AP2A1: variants seen among roughly 807,000 people sequenced by gnomAD.
AP2A1 encodes AP-2 complex subunit alpha-1.
In AP2A1, 21 loss-of-function variants were observed where a neutral mutation model predicts 107.3. The observed-to-expected ratio is 0.20, with a 90% confidence interval of 0.14 to 0.28. AP2A1 has a LOEUF of 0.28. Ranked by LOEUF, AP2A1 falls within the 10% of genes least tolerant of loss-of-function variation. The pLI is 1.00. For missense variants in AP2A1, 873 were observed against 1,307.7 expected (o/e 0.67, Z 5.13); for synonymous variants, 602 against 564.8 (o/e 1.07, Z -0.93).
intron 4 of AP2A1, among the ~76,000 whole-genome samples, chr19:49,790,928 G>A (rs2073133725): frequency 6.6e-6 from 1 of 152,238 alleles, no homozygotes; most frequent in South Asian, 2.1e-4. Context: ...TTAACATCAC[G>A]CTGATTCTCT....
In AP2A1 at chr19:49,777,076, G is replaced by GAA. The variant is rs563994455; in HGVS notation, c.68-4670_68-4669dup. On this transcript the variant is annotated intron_variant, in intron 1 of 22. Coordinates refer to ENST00000354293, the MANE Select transcript of AP2A1 (RefSeq NM_130787.3). The stretch of plus-strand genomic sequence containing the variant: ...AAACCCTGTCTCTACTAAAAATGCG[G>GAA]AAAAAAAAAAAAGCCAGGTGTGGTG... Among the ~76,000 whole-genome samples the GAA allele has an allele frequency of 8.8e-4, 122 of 139,002 alleles. 2 individuals are homozygous for GAA. The highest frequency in any genetic ancestry group is 2.6e-3 in the African/African-American group (100 of 37,920). The allele number at this position is 139,002 out of a possible 152,430, so 91.2% of individuals were successfully genotyped here.
intron 1 of AP2A1, among the ~76,000 whole-genome samples, chr19:49,776,093 T>C (rs990845810): frequency 1.3e-5 from 2 of 152,128 alleles, no homozygotes; most frequent in Non-Finnish European, 2.9e-5. Context: ...CAACAGCCAC[T>C]GGACGGAGCA....
At position 49,798,808 on chromosome 19, in the gene AP2A1, C is replaced by T. The variant is rs777437665; in HGVS notation, c.821C>T (p.Ala274Val). The T allele has an allele frequency of 6.2e-6, 10 of 1,603,962 alleles. No homozygotes were observed. Among genetic ancestry groups the T allele is most frequent in the Non-Finnish European group, 6.8e-6 (8 of 1,175,468 alleles). Residue 274 changes from alanine to valine, a missense_variant, in exon 8 of 23, where the codon GCG becomes GTG. By Grantham distance (64) the Ala-to-Val change is moderately conservative (BLOSUM62 0). Coordinates refer to ENST00000354293, the MANE Select transcript of AP2A1 (RefSeq NM_130787.3). Reference protein sequence around the residue: ...LLQCYPPPEDAAVKGRLVECL... With the variant: ...LLQCYPPPEDVAVKGRLVECL... ...GTCCCCTTCGTTTCCCCAGAGGATG[C>T]GGCTGTGAAGGGGCGGCTGGTGGAA...
chr19:49,777,771 G>GA (rs1326825131), intron 1 of AP2A1, among the ~76,000 whole-genome samples: 1 of 151,608 alleles, frequency 6.6e-6, no homozygotes, highest in East Asian at 1.9e-4. Context: ...ACAAAAAATA[G>GA]AAAAAAAATT....
intron 4 of AP2A1, among the ~76,000 whole-genome samples, chr19:49,786,671 T>C (rs1182424563): frequency 1.3e-5 from 2 of 152,156 alleles, no homozygotes; most frequent in African/African-American, 4.8e-5. Flanking sequence ...CTAAGAACTT[T>C]GATGGAGGAG....
At position 49,801,608 on chromosome 19, in the gene AP2A1, G is replaced by C. The variant is rs1009076797; in HGVS notation, c.1772G>C (p.Ser591Thr). The C allele has an allele frequency of 3.7e-6, 6 of 1,612,080 alleles. No homozygotes were observed. In the African/African-American group the frequency reaches 5.4e-5, roughly 14 times the overall value. ...VEYLTLSSVASTDVLATVLEE... is the reference protein window; with the variant it reads ...VEYLTLSSVATTDVLATVLEE... ...TACCTCACCCTCAGCTCAGTGGCCA[G>C]CACCGACGTCCTGGTCAGAGCCCTG... The change falls in exon 13 of 23, where the codon AGC (serine) becomes ACC (threonine). Residue 591 changes from serine to threonine, a missense_variant. Physicochemically the swap from Ser to Thr is moderately conservative, Grantham distance 58. Coordinates refer to ENST00000354293, the MANE Select transcript of AP2A1 (RefSeq NM_130787.3).
intron 4 of AP2A1, among the ~76,000 whole-genome samples, chr19:49,787,032 G>T (rs1218867523): frequency 5.3e-5 from 8 of 152,058 alleles, no homozygotes; most frequent in African/African-American, 1.9e-4. Flanking sequence ...TTGGAGACAG[G>T]GTCTTGCCCT....
intron 1 of AP2A1, among the ~76,000 whole-genome samples, chr19:49,777,240 A>G (rs1361172320): frequency 6.6e-6 from 1 of 152,034 alleles, no homozygotes; most frequent in Non-Finnish European, 1.5e-5. Context: ...GTCTCAAGAA[A>G]AAAAGTAAAA....
chr19:49,790,895 G>A (rs2073133300), intron 4 of AP2A1, among the ~76,000 whole-genome samples: 1 of 152,236 alleles, frequency 6.6e-6, no homozygotes, highest in Admixed American at 6.5e-5. Context: ...AGGGGTCCGG[G>A]GGCAGCTGTT....
At position 49,799,613 on chromosome 19, in the gene AP2A1, T is replaced by C; in HGVS notation, c.1135-16T>C. The C allele has an allele frequency of 6.2e-7, 1 of 1,606,852 alleles. No homozygotes were observed. The highest frequency in any genetic ancestry group is 1.1e-5 in the South Asian group (1 of 90,978). On this transcript the variant is annotated splice_polypyrimidine_tract_variant and intron_variant, in intron 9 of 22. Coordinates refer to ENST00000354293, the MANE Select transcript of AP2A1 (RefSeq NM_130787.3). ...GGGAGTCTAAAACACACCTGGGCTC[T>C]GCTCTCCGCCCTCAGACGGAGCGGG...
intron 1 of AP2A1, among the ~76,000 whole-genome samples, chr19:49,775,614 G>A (rs1430342902): frequency 6.6e-6 from 1 of 152,080 alleles, no homozygotes; most frequent in Non-Finnish European, 1.5e-5. Context: ...TGTTACCCAG[G>A]CTGGTCTCAG....
In AP2A1 at chr19:49,767,066, C is replaced by T. The variant is rs1600209250; in HGVS notation, c.-68C>T. 6.6e-7 allele frequency: 1 copy of T among 1,524,588 alleles called. No individual in the cohort carries two copies. 94.4% of individuals were successfully genotyped at this position (1,524,588 alleles called of 1,614,324 possible). Reference sequence around the variant, plus strand: ...CTGCCTGGGGTCCTTTCCGCCCGGTCCCCGCTTGCCAGCCCCCGCTGCTCT... The same window carrying T: ...CTGCCTGGGGTCCTTTCCGCCCGGTTCCCGCTTGCCAGCCCCCGCTGCTCT... On this transcript the variant is annotated 5_prime_UTR_variant, in exon 1 of 23. Transcript: ENST00000354293.
chr19:49,806,689 G>A lies in AP2A1; in HGVS notation c.2799G>A (p.Arg933=). The A allele has an allele frequency of 6.2e-7, 1 of 1,612,874 alleles. No individual in the cohort carries two copies. The highest frequency in any genetic ancestry group is 1.7e-5 in the Admixed American group (1 of 59,970). The change falls in exon 23 of 23, where the codon CGG becomes CGA. Residue 933 remains arginine (R), a synonymous_variant. Coordinates refer to ENST00000354293, the MANE Select transcript of AP2A1 (RefSeq NM_130787.3). The part of the protein sequence containing the change: ...LEPNAQAQMY[R]LTLRTSKEPV... ...CCAATGCCCCCACCCAGATGTACCG[G>A]CTGACCCTGCGCACCAGCAAGGAGC...
At chr19:49,802,490 C>T (rs1157694496) in intron 15 of AP2A1, 1 of 1,592,574 alleles carries the variant, frequency 6.3e-7, no homozygotes, top group African/African-American at 1.3e-5. Context: ...TGGCTGCCTG[C>T]CACGCCTGTC....
chr19:49,802,020 G>T lies in AP2A1; in HGVS notation c.1993G>T (p.Ala665Ser), dbSNP rs770745495. Residue 665 changes from alanine to serine, a missense_variant, in exon 15 of 23, where the codon GCA becomes TCA. Physicochemically the swap from Ala to Ser is moderately conservative, Grantham distance 99. Coordinates refer to ENST00000354293, the MANE Select transcript of AP2A1 (RefSeq NM_130787.3). ...SPSADLLGLR[A>S]APPPAAPPAS... ...CTCCGCCGACCTCCTGGGGCTGCGGGCAGCCCCTCCCCCGGCAGCACCCCC... is the reference window on the plus strand; with the variant it reads ...CTCCGCCGACCTCCTGGGGCTGCGGTCAGCCCCTCCCCCGGCAGCACCCCC... The T allele has an allele frequency of 2.6e-6, 4 of 1,558,618 alleles. No homozygotes were observed. In the African/African-American group the frequency reaches 4.1e-5, roughly 16 times the overall value.
chr19:49,802,271 C>T (rs1356384348), intron 15 of AP2A1, 130 bp downstream of exon 15: 1 of 872,332 alleles, frequency 1.1e-6, no homozygotes, highest in Non-Finnish European at 1.8e-6. Context: ...CTGATGCCTT[C>T]GCCAGCCCTG....
At chr19:49,804,309 A>G (rs1568589619) in intron 18 of AP2A1, 1 of 152,122 alleles carries the variant, frequency 6.6e-6, no homozygotes, top group Non-Finnish European at 1.5e-5. Context: ...TGAGTGGCCA[A>G]GGTGGTTGGA....
In AP2A1 at chr19:49,799,989, G is replaced by T; in HGVS notation, c.1294G>T (p.Ala432Ser). The change falls in exon 11 of 23, where the codon GCC (alanine) becomes TCC (serine). Residue 432 changes from alanine (A) to serine (S), a missense_variant. Physicochemically the swap from Ala to Ser is moderately conservative, Grantham distance 99. Around this residue, in one of 4 missense-constraint regions of AP2A1, gnomAD observed 213 missense variants for 443.5 expected, o/e 0.48. Coordinates refer to ENST00000354293, the MANE Select transcript of AP2A1 (RefSeq NM_130787.3). The part of the protein sequence containing the change: ...EEIVLKVAIL[A>S]EKYAVDYSWY... Reference sequence around the variant, plus strand: ...GCAGGTCCTGAAGGTGGCCATCCTGGCCGAGAAGTACGCCGTGGACTACAG... The same window carrying T: ...GCAGGTCCTGAAGGTGGCCATCCTGTCCGAGAAGTACGCCGTGGACTACAG... The T allele has an allele frequency of 6.2e-7, 1 of 1,613,864 alleles. No homozygotes were observed. The highest frequency in any genetic ancestry group is 8.5e-7 in the Non-Finnish European group (1 of 1,179,740).
chr19:49,805,510 A>C lies in AP2A1; in HGVS notation c.2402A>C (p.Gln801Pro). 19 of 1,563,980 alleles carry C rather than the reference A, an allele frequency of 1.2e-5. No individual in the cohort carries two copies. The highest frequency in any genetic ancestry group is 1.6e-5 in the Non-Finnish European group (19 of 1,155,382). The change falls in exon 19 of 23, where the codon CAG becomes CCG. Residue 801 changes from glutamine to proline, a missense_variant. This residue lies in a region of AP2A1 where 416 missense variants were observed against 473.4 expected (regional missense o/e 0.88). Coordinates refer to ENST00000354293, the MANE Select transcript of AP2A1 (RefSeq NM_130787.3). ...CAGGTGGACGGCGGCGCGCAGGTGC[A>C]GCAGGTGCTCAATATCGAGTGCCTG... is the stretch of plus-strand genomic sequence containing the variant. ...AAQVDGGAQV[Q>P]QVLNIECLRD...
Sources: allele counts gnomAD v4.1 joint callset (sites outside exome capture counted in the v4.1 genomes callset), GRCh38; gene constraint gnomAD v4.1.1; regional missense constraint gnomAD v4.1.1; transcripts MANE v1.5; gene names NCBI Gene and HGNC (gene_info 2026-07-23, HGNC 2026-07-21).